The following TRERF1 variants were observed in gnomAD, a reference collection of about 807,000 sequenced individuals.
TRERF1 encodes the protein transcriptional-regulating factor 1.
A neutral mutation model predicts 122.9 loss-of-function variants in TRERF1; 27 were observed. The ratio of observed to expected loss-of-function variants is 0.22; its 90% confidence interval spans 0.16 to 0.30. TRERF1 has a LOEUF of 0.30. Among genes scored for constraint, TRERF1 ranks in the 10% least tolerant of loss-of-function variants. The pLI, the probability that TRERF1 is intolerant of heterozygous loss-of-function variation, is 1.00. For synonymous variants in TRERF1, 636 were observed against 641.7 expected (o/e 0.99, Z 0.13); for missense variants, 1,248 against 1,560.3 (o/e 0.80, Z 3.37).
intron 2 of TRERF1, among the ~76,000 whole-genome samples, chr6:42,434,668 C>CCA (rs3075920): frequency 0.025 from 2,919 of 114,914 alleles, 84 homozygotes; most frequent in African/African-American, 0.072. Context: ...ACACCCTCCA[C>CCA]CACACACACA....
intron 14 of TRERF1, among the ~76,000 whole-genome samples, chr6:42,243,780 T>C (rs9471825): frequency 0.25 from 38,145 of 151,452 alleles, 6,310 homozygotes; most frequent in African/African-American, 0.47. Context: ...CGGGGTTTCA[T>C]TGTGTTAGCC....
intron 3 of TRERF1, among the ~76,000 whole-genome samples, chr6:42,359,968 A>G (rs2150934333): frequency 6.6e-6 from 1 of 152,338 alleles, no homozygotes; most frequent in Non-Finnish European, 1.5e-5. Flanking sequence ...AACTTCGGTA[A>G]AAAAAGAATC....
At position 42,232,557 on chromosome 6, in the gene TRERF1, A is replaced by C; in HGVS notation, c.3278+124T>G. On this transcript the variant is annotated intron_variant, in intron 17 of 17. Transcript: ENST00000372922. This position sits in a 1 kb window ranked among gnomAD's most constrained non-coding sequence, Gnocchi z 4.5. ...CATACCCATCCCAAAGATGACACGA[A>C]GAAGAGTTTTGAGGTCTAAGTTCTT... The C allele has an allele frequency of 7.9e-7, 1 of 1,267,420 alleles. No individual in the cohort carries two copies. Among genetic ancestry groups the C allele is most frequent in the South Asian group, 1.6e-5 (1 of 60,836 alleles). The allele number at this position is 1,267,420 out of a possible 1,614,324, so 78.5% of individuals were successfully genotyped here. A position where few individuals can be genotyped will look rare whatever the true frequency, so the allele number is the denominator to read the frequency against.
At chr6:42,265,159 TTCC>T (rs1190658087) in intron 6 of TRERF1, among the ~76,000 whole-genome samples, 36 of 152,324 alleles carry the variant, frequency 2.4e-4, no homozygotes, top group Middle Eastern at 3.4e-3. Context: ...CTTATTACCC[TTCC>T]AGGGTCAGCC....
chr6:42,234,571 G>C (rs563142658), intron 16 of TRERF1, among the ~76,000 whole-genome samples: 20 of 152,180 alleles, frequency 1.3e-4, no homozygotes, highest in African/African-American at 4.6e-4. Context: ...TTGATCTCTT[G>C]ACCTTGTGAT....
intron 6 of TRERF1, 57 bp downstream of exon 6, chr6:42,265,694 C>T: frequency 6.5e-7 from 1 of 1,532,036 alleles, no homozygotes; most frequent in Non-Finnish European, 9.0e-7. Flanking sequence ...TCATGAGAGA[C>T]ACCCCAGAAA....
chr6:42,290,846 C>T (rs1392078719), intron 4 of TRERF1, among the ~76,000 whole-genome samples: 1 of 148,080 alleles, frequency 6.8e-6, no homozygotes, highest in Non-Finnish European at 1.5e-5. Flanking sequence ...GTGGGGTGGC[C>T]TGCTCCAGTG....
At chr6:42,389,032 G>A (rs1371500774) in intron 2 of TRERF1, among the ~76,000 whole-genome samples, 1 of 152,056 alleles carries the variant, frequency 6.6e-6, no homozygotes, top group Non-Finnish European at 1.5e-5. Flanking sequence ...CTCAGAGCAG[G>A]CCTTAAACAC....
chr6:42,361,935 G>A (rs1323561683), intron 3 of TRERF1, among the ~76,000 whole-genome samples: 2 of 152,094 alleles, frequency 1.3e-5, no homozygotes, highest in Non-Finnish European at 2.9e-5. Context: ...TATTCTTTTG[G>A]CTCCTTCCTG....
chr6:42,268,028 A>G lies in TRERF1; in HGVS notation c.1437+126T>C. 8.6e-7 allele frequency: 1 copy of G among 1,161,680 alleles called. No individual in the cohort carries two copies. The highest frequency in any genetic ancestry group is 1.1e-6 in the Non-Finnish European group (1 of 880,382). 72.0% of individuals were successfully genotyped at this position (1,161,680 alleles called of 1,614,324 possible). Reference sequence around the variant, plus strand: ...AGACAGTGCGTGACACATGTAGGTTAATGTTTGTGGAATTAGTAAAGAACA... The same window carrying G: ...AGACAGTGCGTGACACATGTAGGTTGATGTTTGTGGAATTAGTAAAGAACA... On this transcript the variant is annotated intron_variant, in intron 5 of 17. Coordinates refer to ENST00000372922, the Ensembl canonical transcript of TRERF1. This position sits in a 1 kb window ranked among gnomAD's most constrained non-coding sequence, Gnocchi z 4.4.
At chr6:42,394,270 C>T (rs768930730) in intron 2 of TRERF1, among the ~76,000 whole-genome samples, 2 of 152,096 alleles carry the variant, frequency 1.3e-5, no homozygotes, top group African/African-American at 2.4e-5. Flanking sequence ...AACAACAGCA[C>T]ATCCCTCCAT....
At chr6:42,338,068 A>G (rs1210952603) in intron 3 of TRERF1, among the ~76,000 whole-genome samples, 2 of 152,194 alleles carry the variant, frequency 1.3e-5, no homozygotes, top group Non-Finnish European at 2.9e-5. Flanking sequence ...AGGTCTAGGA[A>G]GTCCTGCTCC....
intron 3 of TRERF1, among the ~76,000 whole-genome samples, chr6:42,353,046 A>C (rs1769771871): frequency 6.6e-6 from 1 of 152,174 alleles, no homozygotes; most frequent in African/African-American, 2.4e-5. Context: ...TCAAACCTGT[A>C]AACTCATCAC....
chr6:42,261,584 GGAGGAAACT>G (rs2149803154), intron 8 of TRERF1, among the ~76,000 whole-genome samples: 1 of 152,254 alleles, frequency 6.6e-6, no homozygotes, highest in Non-Finnish European at 1.5e-5. Context: ...CAAGGTCAGG[GGAGGAAACT>G]GAGGCTGTGA....
Position 42,259,575 on chromosome 6 carries a change from G to A in TRERF1, c.2033C>T (p.Ser678Leu), listed in dbSNP as rs772638924. The A allele has an allele frequency of 3.1e-6, 5 of 1,613,894 alleles. No individual in the cohort carries two copies. The highest frequency in any genetic ancestry group is 1.3e-5 in the African/African-American group (1 of 75,048). Residue 678 changes from serine to leucine, a missense_variant, in exon 9 of 18, where the codon TCG (serine) becomes TTG (leucine). By Grantham distance (145) the Ser-to-Leu change is moderately radical. This residue lies in a region of TRERF1 where 946 missense variants were observed against 1,073.0 expected (regional missense o/e 0.88). Coordinates refer to ENST00000372922, the Ensembl canonical transcript of TRERF1. This position sits in a 1 kb window ranked among gnomAD's most constrained non-coding sequence, Gnocchi z 4.9. ...CTGGCTCTGGTACAGGGTGGCGCCC[G>A]AGTAGGAGGCAGCGGGGTTCGGGTT...
At chr6:42,264,908 C>T in intron 6 of TRERF1, 54 bp from the exon 7 acceptor site, 1 of 1,593,126 alleles carries the variant, frequency 6.3e-7, no homozygotes, top group Non-Finnish European at 8.6e-7. Flanking sequence ...GAAGGGGAAA[C>T]AGTGACTTGC....
At chr6:42,436,812 A>ATATATAT (rs1472456515) in intron 2 of TRERF1, among the ~76,000 whole-genome samples, 362 of 97,606 alleles carry the variant, frequency 3.7e-3, no homozygotes, top group South Asian at 0.012. Flanking sequence ...AAAAAAAAAA[A>ATATATAT]AAATATATAT....
At chr6:42,381,350 G>A (rs1430240905) in intron 2 of TRERF1, among the ~76,000 whole-genome samples, 1 of 133,488 alleles carries the variant, frequency 7.5e-6, no homozygotes, top group Middle Eastern at 3.5e-3. Flanking sequence ...CCAGCGCCTT[G>A]TTTTAAGGAA....
At chr6:42,440,866 A>G (rs1045365342) in intron 2 of TRERF1, among the ~76,000 whole-genome samples, 2 of 152,064 alleles carry the variant, frequency 1.3e-5, no homozygotes, top group African/African-American at 4.8e-5. Flanking sequence ...GATGGAGACA[A>G]TCCCCTGAGT....
Sources: allele counts gnomAD v4.1 joint callset (sites outside exome capture counted in the v4.1 genomes callset), GRCh38; gene constraint gnomAD v4.1.1; regional missense constraint gnomAD v4.1.1; non-coding constraint Gnocchi (gnomAD v3.1); transcripts MANE v1.5; gene names NCBI Gene and HGNC (gene_info 2026-07-23, HGNC 2026-07-21).